The following UBE2U variants were observed in gnomAD, a reference collection of about 807,000 sequenced individuals.
UBE2U encodes ubiquitin-conjugating enzyme E2 U.
In UBE2U, 39 loss-of-function variants were observed where a neutral mutation model predicts 41.2. The observed-to-expected ratio is 0.95, with a 90% CI of 0.73 to 1.24. The LOEUF is 1.24. UBE2U is among the 50% of genes most tolerant of loss of function. The pLI, the probability that UBE2U is intolerant of heterozygous loss-of-function variation, is 0.00. For missense variants in UBE2U, 336 were observed against 363.1 expected (o/e 0.93, Z 0.61); for synonymous variants, 107 against 117.8 (o/e 0.91, Z 0.60).
Position 64,260,105 on chromosome 1 carries a change from C to A in UBE2U, c.678-498C>A, listed in dbSNP as rs184574432. Among the ~76,000 whole-genome samples the A allele has an allele frequency of 4.4e-4, 67 of 152,046 alleles. 1 individual carries two copies. In the East Asian group the frequency reaches 0.012, roughly 28 times the overall value. On this transcript the variant is annotated intron_variant, in intron 8 of 9. Transcript: ENST00000371077. ...TGGAGTGATGCAGCTATAAGCCATA[C>A]AATGTAAAGGATTGCTGACAGCCAG... is the stretch of plus-strand genomic sequence containing the variant.
chr1:64,266,231 C>CTGTT (rs1367190835), intron 9 of UBE2U, among the ~76,000 whole-genome samples: 1 of 152,136 alleles, frequency 6.6e-6, no homozygotes, highest in African/African-American at 2.4e-5. Flanking sequence ...GTTTATTTCC[C>CTGTT]TGTTTACAAG....
intron 6 of UBE2U, among the ~76,000 whole-genome samples, chr1:64,224,955 ACACAC>A (rs1652765391): frequency 1.3e-5 from 2 of 151,948 alleles, no homozygotes; most frequent in South Asian, 4.1e-4. Flanking sequence ...ACACACACAC[ACACAC>A]ACACACACAA....
At chr1:64,242,908 T>G (rs1644859246) in intron 8 of UBE2U, among the ~76,000 whole-genome samples, 1 of 152,188 alleles carries the variant, frequency 6.6e-6, no homozygotes, top group Non-Finnish European at 1.5e-5. Context: ...TTGACGTGAC[T>G]TCCTTTTTTA....
rs191156512 is a variant in UBE2U, at chr1:64,221,618, G to T, written c.506+711G>T. Among the ~76,000 whole-genome samples the T allele has an allele frequency of 2.4e-3, 358 of 152,270 alleles. 2 individuals are homozygous for T. Among genetic ancestry groups the T allele is most frequent in the Admixed American group, 3.5e-3 (54 of 15,300 alleles). ...AGTTCATCTTGAACACCTGAACAAGGTATAGGCCTAGAAACACACATACGG... is the reference window on the plus strand; with the variant it reads ...AGTTCATCTTGAACACCTGAACAAGTTATAGGCCTAGAAACACACATACGG... On this transcript the variant is annotated intron_variant, in intron 6 of 9. Coordinates refer to ENST00000371077, the MANE Select transcript of UBE2U (RefSeq NM_001366232.2).
intron 8 of UBE2U, 103 bp downstream of exon 8, chr1:64,241,836 TAAC>T: frequency 1.3e-6 from 1 of 779,296 alleles, no homozygotes; most frequent in Non-Finnish European, 2.1e-6. Context: ...CCCTTGGAAA[TAAC>T]AACTTATACC....
intron 8 of UBE2U, among the ~76,000 whole-genome samples, chr1:64,250,298 A>G (rs892206700): frequency 6.6e-6 from 1 of 152,206 alleles, no homozygotes; most frequent in African/African-American, 2.4e-5. Flanking sequence ...AGAAATGAAC[A>G]ACCTGAGTAA....
At chr1:64,205,083 T>C (rs1276662978) in intron 1 of UBE2U, among the ~76,000 whole-genome samples, 1 of 152,212 alleles carries the variant, frequency 6.6e-6, no homozygotes, top group Non-Finnish European at 1.5e-5. Context: ...CAGAAGTGTT[T>C]TTATGTGTTT....
intron 4 of UBE2U, among the ~76,000 whole-genome samples, chr1:64,211,396 C>G (rs1264221905): frequency 6.6e-6 from 1 of 152,142 alleles, no homozygotes; most frequent in Non-Finnish European, 1.5e-5. Context: ...CCACTGGACC[C>G]ATGGTCCTTA....
At chr1:64,228,836 G>A (rs1181287260) in intron 6 of UBE2U, among the ~76,000 whole-genome samples, 11 of 145,106 alleles carry the variant, frequency 7.6e-5, no homozygotes, top group Non-Finnish European at 1.2e-4. Flanking sequence ...TTACAGGCAC[G>A]TGCCACCTTG....
At position 64,241,689 on chromosome 1, in the gene UBE2U, A is replaced by G. The variant is rs893951193; in HGVS notation, c.633A>G (p.Lys211=). The G allele has an allele frequency of 5.6e-6, 9 of 1,609,694 alleles. No individual in the cohort carries two copies. The highest frequency in any genetic ancestry group is 7.6e-6 in the Non-Finnish European group (9 of 1,178,222). ...KVPNFIGQYY[K]WKKMDLQHQK... The stretch of plus-strand genomic sequence containing the variant: ...CAAATTTCATTGGACAGTATTACAA[A>G]TGGAAGAAAATGGATCTACAGCATC... Residue 211 remains lysine, a synonymous_variant, in exon 8 of 10, where the codon AAA becomes AAG. Coordinates refer to ENST00000371077, the MANE Select transcript of UBE2U (RefSeq NM_001366232.2).
At chr1:64,216,122 T>G (rs1651994373) in intron 5 of UBE2U, among the ~76,000 whole-genome samples, 1 of 152,208 alleles carries the variant, frequency 6.6e-6, no homozygotes, top group Non-Finnish European at 1.5e-5. Context: ...CAAGTTCAAT[T>G]GCTCCTCCTC....
chr1:64,257,312 C>T (rs905097410), intron 8 of UBE2U, among the ~76,000 whole-genome samples: 4 of 151,952 alleles, frequency 2.6e-5, no homozygotes, highest in Non-Finnish European at 5.9e-5. Context: ...ACATGCATGC[C>T]TATGTTCATT....
At chr1:64,232,777 T>A in intron 7 of UBE2U, 128 bp downstream of exon 7, 1 of 527,198 alleles carries the variant, frequency 1.9e-6, no homozygotes, top group Non-Finnish European at 3.3e-6. Context: ...GTAGGCTCTA[T>A]ATACTATTCA....
At chr1:64,246,344 T>C (rs1030085505) in intron 8 of UBE2U, among the ~76,000 whole-genome samples, 1 of 152,226 alleles carries the variant, frequency 6.6e-6, no homozygotes, top group Non-Finnish European at 1.5e-5. Context: ...GGTATACCTA[T>C]GTTTGATCCC....
chr1:64,258,483 C>G (rs980274242), intron 8 of UBE2U, among the ~76,000 whole-genome samples: 3 of 151,930 alleles, frequency 2.0e-5, no homozygotes, highest in African/African-American at 7.3e-5. Context: ...CCCCCCACCC[C>G]AAGACAGGTC....
intron 2 of UBE2U, 75 bp downstream of exon 2, chr1:64,205,795 G>A: frequency 8.5e-7 from 1 of 1,174,070 alleles, no homozygotes; most frequent in South Asian, 1.5e-5. Context: ...TTTTTATGTA[G>A]GATAAGGTCG....
At chr1:64,213,491 A>G (rs1001735000) in intron 4 of UBE2U, among the ~76,000 whole-genome samples, 1 of 152,154 alleles carries the variant, frequency 6.6e-6, no homozygotes, top group African/African-American at 2.4e-5. Context: ...TACACACCCA[A>G]CAGTACCCTG....
Position 64,267,063 on chromosome 1 carries a change from T to C in UBE2U, c.809T>C (p.Ile270Thr). 3 of 1,549,972 alleles carry C rather than the reference T, an allele frequency of 1.9e-6. No homozygotes were observed. Among genetic ancestry groups the C allele is most frequent in the South Asian group, 2.4e-5 (2 of 83,774 alleles). The stretch of plus-strand genomic sequence containing the variant: ...GAGTCACCAACTGCAATAAATAGCA[T>C]CACAGACATTTATGAAACAGAAGAG... ...FLESPTAINS[I>T]TDIYETEEEG... Residue 270 changes from isoleucine to threonine, a missense_variant, in exon 10 of 10, where the codon ATC becomes ACC. By Grantham distance (89) the Ile-to-Thr change is moderately conservative. Coordinates refer to ENST00000371077, the MANE Select transcript of UBE2U (RefSeq NM_001366232.2).
At chr1:64,243,900 C>G (rs2100471007) in intron 8 of UBE2U, among the ~76,000 whole-genome samples, 1 of 152,192 alleles carries the variant, frequency 6.6e-6, no homozygotes, top group Non-Finnish European at 1.5e-5. Context: ...CTGGCTCTGC[C>G]AATTACCAGC....
Sources: gnomAD v4.1 joint callset for allele counts (sites outside exome capture counted in the v4.1 genomes callset) on GRCh38, gnomAD v4.1.1 for gene constraint, MANE v1.5 for transcripts, NCBI Gene and HGNC (gene_info 2026-07-23, HGNC 2026-07-21) for gene names.